SEMA6D: variants seen among roughly 807,000 people sequenced by gnomAD.
The protein encoded by SEMA6D is semaphorin 6D, also known as semaphorin-6D.
A neutral mutation model predicts 106.6 loss-of-function variants in SEMA6D; 35 were observed. The ratio of observed to expected loss-of-function variants is 0.33; its 90% CI spans 0.25 to 0.44. The LOEUF is 0.44. Among genes scored for constraint, SEMA6D ranks in the 20% least tolerant of loss-of-function variants. The pLI is 1.00. For missense variants in SEMA6D, 1,185 were observed against 1,345.9 expected, an observed-to-expected ratio of 0.88 and a Z score of 1.87; for synonymous variants, 499 against 487.7, an observed-to-expected ratio of 1.02 and a Z score of -0.31.
intron 1 of SEMA6D, among the ~76,000 whole-genome samples, chr15:47,291,231 C>G (rs768244950): frequency 3.3e-5 from 5 of 152,136 alleles, no homozygotes; most frequent in Non-Finnish European, 5.9e-5. Flanking sequence ...GCTATAAGGG[C>G]AAAAAGGTCT....
At chr15:47,196,940 G>A (rs1430662062) in intron 1 of SEMA6D, among the ~76,000 whole-genome samples, 2 of 152,102 alleles carry the variant, frequency 1.3e-5, no homozygotes, top group African/African-American at 4.8e-5. Context: ...GAGTAACTGG[G>A]AAAACTACCA....
chr15:47,398,288 G>A (rs991334605), intron 1 of SEMA6D, among the ~76,000 whole-genome samples: 4 of 152,136 alleles, frequency 2.6e-5, no homozygotes, highest in Non-Finnish European at 4.4e-5. Flanking sequence ...AATTCTGGCC[G>A]GAGATGTTCT....
At chr15:47,310,855 TC>T (rs2143021985) in intron 1 of SEMA6D, among the ~76,000 whole-genome samples, 1 of 152,348 alleles carries the variant, frequency 6.6e-6, no homozygotes, top group East Asian at 1.9e-4. Flanking sequence ...AAGTTCTAGT[TC>T]CTTCGTTGTG....
At chr15:47,718,159 G>T (rs2079200889) in intron 1 of SEMA6D, among the ~76,000 whole-genome samples, 1 of 152,210 alleles carries the variant, frequency 6.6e-6, no homozygotes, top group South Asian at 2.1e-4. Flanking sequence ...CGGGCACAGC[G>T]TCTCCAGGAG....
At chr15:47,422,687 G>A (rs1172378869) in intron 2 of SEMA6D, among the ~76,000 whole-genome samples, 1 of 151,984 alleles carries the variant, frequency 6.6e-6, no homozygotes, top group African/African-American at 2.4e-5. Flanking sequence ...TCCAGATGTT[G>A]GATGTACTTT....
chr15:47,425,976 G>A (rs1023648511), intron 2 of SEMA6D, among the ~76,000 whole-genome samples: 7 of 151,960 alleles, frequency 4.6e-5, no homozygotes, highest in African/African-American at 1.7e-4. Flanking sequence ...TTGGCTATAG[G>A]CAGGTGTTTT....
chr15:47,578,053 G>A (rs1253020968), intron 3 of SEMA6D, among the ~76,000 whole-genome samples: 1 of 152,112 alleles, frequency 6.6e-6, no homozygotes, highest in Non-Finnish European at 1.5e-5. Context: ...TTTCCTCCAG[G>A]TAACCTTCTG....
rs896858008 is a variant in SEMA6D, at chr15:47,765,946, C to G, written c.1505C>G (p.Ala502Gly). 10 of 1,585,344 alleles carry G rather than the reference C, an allele frequency of 6.3e-6. No homozygotes were observed. Among genetic ancestry groups the G allele is most frequent in the Non-Finnish European group, 7.7e-6 (9 of 1,166,504 alleles). ...AAAGATCACCACGCTTTATATGTGG[C>G]GTTCTCTAGCTGCATTATCCGCATC... ...LDKDHHALYV[A>G]FSSCIIRIPL... is the part of the protein sequence containing the mutation. The change falls in exon 14 of 19, where the codon GCG becomes GGG. Residue 502 changes from alanine (A) to glycine (G), a missense_variant. Ala to Gly is a moderately conservative substitution (Grantham distance 60, BLOSUM62 0). Transcript: ENST00000536845.
intron 15 of SEMA6D, 95 bp downstream of exon 15, chr15:47,766,277 CT>C (rs147678407): frequency 1.7e-4 from 155 of 910,062 alleles, no homozygotes; most frequent in Non-Finnish European, 2.1e-4. Context: ...TACTACTTTT[CT>C]TTTTTTTTGT....
In SEMA6D at chr15:47,764,091, C is replaced by A. The variant is rs377456444; in HGVS notation, c.965+24C>A. On this transcript the variant is annotated intron_variant, in intron 10 of 18. Coordinates refer to ENST00000536845, the MANE Select transcript of SEMA6D (RefSeq NM_001358351.3). ...AGGTGAGAGCAGAACCCCGGCACTG[C>A]AAAGATATTCTCTGCATGCCTGTCA... is the stretch of plus-strand genomic sequence containing the variant. 6.8e-6 allele frequency: 11 copies of A among 1,613,350 alleles called. No individual in the cohort carries two copies. The African/African-American group carries it at 1.5e-4, about 22-fold the overall frequency.
chr15:47,284,254 G>A (rs1170048996), intron 1 of SEMA6D, among the ~76,000 whole-genome samples: 2 of 152,160 alleles, frequency 1.3e-5, no homozygotes, highest in Admixed American at 6.5e-5. Context: ...TGTTTATATG[G>A]TGACAGTTAA....
chr15:47,689,186 C>T (rs1002012046), intron 4 of SEMA6D, among the ~76,000 whole-genome samples: 3 of 152,124 alleles, frequency 2.0e-5, no homozygotes, highest in African/African-American at 7.2e-5. Context: ...CCATGCTCAA[C>T]AATACACTCA....
At chr15:47,484,740 G>A (rs1026944796) in intron 3 of SEMA6D, among the ~76,000 whole-genome samples, 1 of 151,912 alleles carries the variant, frequency 6.6e-6, no homozygotes, top group African/African-American at 2.4e-5. Flanking sequence ...AAGGAGGCAA[G>A]GCCTACACTA....
At chr15:47,273,262 A>AC (rs2034641564) in intron 1 of SEMA6D, among the ~76,000 whole-genome samples, 1 of 150,744 alleles carries the variant, frequency 6.6e-6, no homozygotes, top group Admixed American at 6.6e-5. Context: ...AAAAAAAAAA[A>AC]GCACCACAGA....
intron 3 of SEMA6D, among the ~76,000 whole-genome samples, chr15:47,526,627 C>T (rs1464254823): frequency 6.6e-6 from 1 of 152,192 alleles, no homozygotes; most frequent in Non-Finnish European, 1.5e-5. Context: ...TGGGGGTGGG[C>T]AGCCAGCTTT....
At chr15:47,357,275 A>G (rs1283933020) in intron 1 of SEMA6D, among the ~76,000 whole-genome samples, 1 of 152,110 alleles carries the variant, frequency 6.6e-6, no homozygotes, top group African/African-American at 2.4e-5. Context: ...CGGAGCCTGC[A>G]GTGAGCCAAG....
chr15:47,712,943 C>T (rs529687389), upstream of SEMA6D, among the ~76,000 whole-genome samples: 15 of 152,104 alleles, frequency 9.9e-5, no homozygotes, highest in Non-Finnish European at 1.8e-4. Flanking sequence ...ACCCACCCTT[C>T]AAAAAGTTCG....
At chr15:47,713,686 C>T (rs967148157), upstream of SEMA6D, among the ~76,000 whole-genome samples, 1 of 152,120 alleles carries the variant, frequency 6.6e-6, no homozygotes, top group Non-Finnish European at 1.5e-5. Flanking sequence ...TGAAATTCTA[C>T]GTCCTAAATT....
intron 1 of SEMA6D, among the ~76,000 whole-genome samples, chr15:47,321,139 A>G (rs1469815317): frequency 6.6e-6 from 1 of 152,184 alleles, no homozygotes; most frequent in Non-Finnish European, 1.5e-5. Context: ...TGAAATATAT[A>G]TATGTACATC....
Sources: allele counts gnomAD v4.1 joint callset (sites outside exome capture counted in the v4.1 genomes callset), GRCh38; gene constraint gnomAD v4.1.1; transcripts MANE v1.5; gene names NCBI Gene and HGNC (gene_info 2026-07-23, HGNC 2026-07-21).